Variants in SLC16A10 observed in about 807,000 individuals in gnomAD.
SLC16A10 encodes the protein monocarboxylate transporter 10.
In SLC16A10, 27 loss-of-function variants were observed where a neutral mutation model predicts 40.0. The ratio of observed to expected loss-of-function variants is 0.67; its 90% CI spans 0.50 to 0.93. The LOEUF is 0.93. Among genes scored for constraint, SLC16A10 ranks in the 40% least tolerant of loss-of-function variants. SLC16A10 has a pLI of 0.00. For missense variants in SLC16A10, 529 were observed against 658.2 expected, an observed-to-expected ratio of 0.80 and a Z score of 2.15; for synonymous variants, 213 against 249.8, an observed-to-expected ratio of 0.85 and a Z score of 1.39.
chr6:111,200,447 T>C (rs1475363624), intron 3 of SLC16A10, among the ~76,000 whole-genome samples: 4 of 152,202 alleles, frequency 2.6e-5, no homozygotes, highest in Non-Finnish European at 5.9e-5. Flanking sequence ...ATGGAGTTTG[T>C]TTTCTTCCAC....
chr6:111,103,080 A>AT (rs1182710075), intron 1 of SLC16A10, among the ~76,000 whole-genome samples: 1 of 151,810 alleles, frequency 6.6e-6, no homozygotes, highest in African/African-American at 2.4e-5. Context: ...TAATTTTCAT[A>AT]TTTTTTGTAG....
At chr6:111,181,462 A>G (rs77944767) in intron 3 of SLC16A10, among the ~76,000 whole-genome samples, 47 of 152,316 alleles carry the variant, frequency 3.1e-4, no homozygotes, top group African/African-American at 1.1e-3. Context: ...TTGAGATAGA[A>G]GTAAATTTTG....
chr6:111,139,226 T>C (rs1771938091), intron 1 of SLC16A10, among the ~76,000 whole-genome samples: 1 of 152,060 alleles, frequency 6.6e-6, no homozygotes, highest in Non-Finnish European at 1.5e-5. Flanking sequence ...GCAAAAGACA[T>C]GACCTTATTC....
At chr6:111,188,426 A>C (rs1316065909) in intron 3 of SLC16A10, among the ~76,000 whole-genome samples, 1 of 152,122 alleles carries the variant, frequency 6.6e-6, no homozygotes, top group Non-Finnish European at 1.5e-5. Flanking sequence ...TTTCAAATTT[A>C]AGTAATTTTG....
intron 1 of SLC16A10, among the ~76,000 whole-genome samples, chr6:111,127,773 C>A (rs1771702846): frequency 6.6e-6 from 1 of 152,022 alleles, no homozygotes; most frequent in African/African-American, 2.4e-5. Context: ...CTCTAACAGT[C>A]CGAAGGGGCA....
chr6:111,135,068 C>G (rs1771853596), intron 1 of SLC16A10, among the ~76,000 whole-genome samples: 1 of 152,146 alleles, frequency 6.6e-6, no homozygotes. Flanking sequence ...TTTTCACATG[C>G]TTTTCTAATT....
intron 3 of SLC16A10, among the ~76,000 whole-genome samples, chr6:111,186,899 GC>G (rs1180586172): frequency 3.9e-5 from 6 of 152,104 alleles, no homozygotes; most frequent in Non-Finnish European, 7.4e-5. Flanking sequence ...CATTTAAAGG[GC>G]AATGCGCACC....
intron 1 of SLC16A10, among the ~76,000 whole-genome samples, chr6:111,171,118 C>G (rs1214121275): frequency 1.3e-5 from 2 of 152,128 alleles, no homozygotes; most frequent in East Asian, 3.9e-4. Context: ...GCCTGGGTGA[C>G]ACAGCGAGAC....
chr6:111,151,417 T>C (rs746409351), intron 1 of SLC16A10, among the ~76,000 whole-genome samples: 3 of 152,208 alleles, frequency 2.0e-5, no homozygotes, highest in Non-Finnish European at 4.4e-5. Flanking sequence ...TCTTTTTTAA[T>C]CTAATGGATC....
rs540874199 is a variant in SLC16A10, at chr6:111,105,195, A to C, written c.343+17100A>C. Among the ~76,000 whole-genome samples, 44 of 152,266 alleles carry C rather than the reference A, an allele frequency of 2.9e-4. No individual in the cohort carries two copies. The Middle Eastern group carries it at 0.01, about 35-fold the overall frequency. ...TGTGAGAATAGCTTACAGTCATTTC[A>C]ACTAATTTATGTATTTTAAATTTAA... On this transcript the variant is annotated intron_variant, in intron 1 of 5. Transcript: ENST00000368851.
At chr6:111,174,053 A>G (rs1239909497) in intron 2 of SLC16A10, among the ~76,000 whole-genome samples, 1 of 152,180 alleles carries the variant, frequency 6.6e-6, no homozygotes, top group Non-Finnish European at 1.5e-5. Flanking sequence ...CTCTCCCTGC[A>G]GCTCTAGTTC....
intron 3 of SLC16A10, among the ~76,000 whole-genome samples, chr6:111,190,589 C>G (rs969946760): frequency 6.6e-6 from 1 of 152,268 alleles, no homozygotes; most frequent in African/African-American, 2.4e-5. Context: ...TTCCATACAT[C>G]CTCTGAAATC....
chr6:111,095,121 C>A (rs1771050340), intron 1 of SLC16A10, among the ~76,000 whole-genome samples: 1 of 152,276 alleles, frequency 6.6e-6, no homozygotes, highest in East Asian at 1.9e-4. Context: ...CCTGCAAGCT[C>A]TGGCCCTTGC....
At chr6:111,119,046 G>A (rs1348690871) in intron 1 of SLC16A10, among the ~76,000 whole-genome samples, 1 of 152,186 alleles carries the variant, frequency 6.6e-6, no homozygotes, top group Non-Finnish European at 1.5e-5. Flanking sequence ...GTTATCTGTT[G>A]TTGGCAAGCA....
chr6:111,131,843 C>T (rs12192695), intron 1 of SLC16A10, among the ~76,000 whole-genome samples: 15,350 of 152,284 alleles, frequency 0.1, 1,024 homozygotes, highest in Middle Eastern at 0.17. Flanking sequence ...GTCAGCCATG[C>T]GTGCACCCCT....
chr6:111,156,507 G>A (rs1346490907), intron 1 of SLC16A10, among the ~76,000 whole-genome samples: 1 of 152,172 alleles, frequency 6.6e-6, no homozygotes, highest in East Asian at 1.9e-4. Context: ...AAACCTCATA[G>A]CCCTAGACTA....
chr6:111,112,531 C>G (rs2114460774), intron 1 of SLC16A10, among the ~76,000 whole-genome samples: 1 of 152,354 alleles, frequency 6.6e-6, no homozygotes, highest in Middle Eastern at 3.4e-3. Context: ...CAGTGCTTTA[C>G]ACATAGTAGA....
chr6:111,117,400 CA>C (rs1771508398), intron 1 of SLC16A10, among the ~76,000 whole-genome samples: 1 of 149,552 alleles, frequency 6.7e-6, no homozygotes, highest in Non-Finnish European at 1.5e-5. Flanking sequence ...AGCCAATGTG[CA>C]CGTTTATTCT....
chr6:111,152,060 C>T (rs985483757), intron 1 of SLC16A10, among the ~76,000 whole-genome samples: 6 of 152,130 alleles, frequency 3.9e-5, no homozygotes, highest in African/African-American at 1.4e-4. Context: ...CTGTTTCCAC[C>T]CCCTCAGTAA....
Sources: allele counts gnomAD v4.1 joint callset (sites outside exome capture counted in the v4.1 genomes callset), GRCh38; gene constraint gnomAD v4.1.1; transcripts MANE v1.5; gene names NCBI Gene and HGNC (gene_info 2026-07-23, HGNC 2026-07-21).